The following STXBP5L variants were observed in gnomAD, a reference collection of about 807,000 sequenced individuals.
STXBP5L encodes the protein syntaxin-binding protein 5-like.
STXBP5L carries 65 observed loss-of-function variants against 144.5 expected under a neutral mutation model. The observed-to-expected ratio is 0.45, with a 90% CI of 0.37 to 0.55. The LOEUF is 0.55. STXBP5L is among the 20% of genes least tolerant of loss of function. The pLI is 0.00. For synonymous variants in STXBP5L, 505 were observed against 469.6 expected (o/e 1.08, Z -0.97); for missense variants, 1,298 against 1,405.5 (o/e 0.92, Z 1.22).
intron 5 of STXBP5L, among the ~76,000 whole-genome samples, chr3:121,076,585 G>C (rs546628484): frequency 6.6e-6 from 1 of 151,942 alleles, no homozygotes; most frequent in Non-Finnish European, 1.5e-5. Context: ...ACTGATCCAG[G>C]TGCCCAGGCT....
rs965665610 is a variant in STXBP5L, at chr3:121,078,526, C to T, written c.470+32991C>T. Among the ~76,000 whole-genome samples the T allele has an allele frequency of 5.3e-5, 8 of 152,254 alleles. No homozygotes were observed. The East Asian group carries it at 5.8e-4, about 11-fold the overall frequency. ...AGCTGCCTGCCAGTCCCGTGCCATGCGCCCGCACTCCTCAGCCCTTGGGTG... is the reference window on the plus strand; with the variant it reads ...AGCTGCCTGCCAGTCCCGTGCCATGTGCCCGCACTCCTCAGCCCTTGGGTG... On this transcript the variant is annotated intron_variant, in intron 5 of 26. Transcript: ENST00000471454.
Position 121,214,686 on chromosome 3 carries a change from T to C in STXBP5L, c.957-8317T>C, listed in dbSNP as rs572237318. Among the ~76,000 whole-genome samples, 15 of 152,296 alleles carry C rather than the reference T, an allele frequency of 9.8e-5. 1 individual carries two copies. The South Asian group carries it at 2.9e-3, about 29-fold the overall frequency. On this transcript the variant is annotated intron_variant, in intron 10 of 26. Coordinates refer to ENST00000471454, the MANE Select transcript of STXBP5L (RefSeq NM_001308330.2). ...TGAGAAGAATGTATATTCTGTTGATTTGTGGTGCAGAGTTCTGTAGATGTC... is the reference window on the plus strand; with the variant it reads ...TGAGAAGAATGTATATTCTGTTGATCTGTGGTGCAGAGTTCTGTAGATGTC...
intron 6 of STXBP5L, among the ~76,000 whole-genome samples, chr3:121,116,777 C>G (rs949872169): frequency 6.6e-6 from 1 of 151,832 alleles, no homozygotes; most frequent in Non-Finnish European, 1.5e-5. Context: ...CCCTGTAATC[C>G]TAGTCCTATA....
chr3:120,964,522 G>A (rs894526955), intron 3 of STXBP5L, among the ~76,000 whole-genome samples: 8 of 152,110 alleles, frequency 5.3e-5, no homozygotes, highest in Middle Eastern at 3.4e-3. Context: ...CCTTCATTTC[G>A]TTATTTACCC....
At chr3:121,101,785 G>C (rs1351570616) in intron 5 of STXBP5L, among the ~76,000 whole-genome samples, 2 of 152,012 alleles carry the variant, frequency 1.3e-5, no homozygotes, top group Non-Finnish European at 2.9e-5. Context: ...AAAAGAAGAA[G>C]AAAAACTATG....
chr3:121,407,125 T>C, intron 22 of STXBP5L, 118 bp from the exon 23 acceptor site: 1 of 1,230,738 alleles, frequency 8.1e-7, no homozygotes, highest in Non-Finnish European at 1.1e-6. Context: ...CAAATTCATA[T>C]ACATTAGGGC....
intron 18 of STXBP5L, among the ~76,000 whole-genome samples, chr3:121,265,132 C>T (rs1404689079): frequency 6.6e-6 from 1 of 152,182 alleles, no homozygotes; most frequent in African/African-American, 2.4e-5. Flanking sequence ...ACCTAATAAA[C>T]ATCTACAGAA....
At chr3:121,040,483 G>A (rs907467744) in intron 3 of STXBP5L, among the ~76,000 whole-genome samples, 5 of 152,078 alleles carry the variant, frequency 3.3e-5, no homozygotes, top group Admixed American at 3.3e-4. Context: ...CTTCAAGAAG[G>A]ATGCTTTTTC....
At chr3:120,953,814 T>C (rs1211488805) in intron 2 of STXBP5L, among the ~76,000 whole-genome samples, 2 of 152,202 alleles carry the variant, frequency 1.3e-5, no homozygotes, top group African/African-American at 4.8e-5. Context: ...TCTTGTCTAA[T>C]TGCTCTGGAT....
At chr3:121,023,913 C>T (rs2638583) in intron 3 of STXBP5L, among the ~76,000 whole-genome samples, 1 of 151,908 alleles carries the variant, frequency 6.6e-6, no homozygotes, top group Admixed American at 6.6e-5. Context: ...CCACCACCAC[C>T]CCCAGCTAAT....
intron 2 of STXBP5L, among the ~76,000 whole-genome samples, chr3:120,923,031 AT>A (rs762117029): frequency 2.0e-5 from 3 of 151,750 alleles, no homozygotes; most frequent in Non-Finnish European, 4.4e-5. Flanking sequence ...ATTCCTCATT[AT>A]TGGTTTGTTG....
intron 24 of STXBP5L, among the ~76,000 whole-genome samples, chr3:121,415,641 G>A (rs1264823363): frequency 6.6e-6 from 1 of 152,030 alleles, no homozygotes; most frequent in African/African-American, 2.4e-5. Context: ...AAGAGAAGAG[G>A]ATAAAGGAAA....
At chr3:121,172,087 A>G (rs1213837975) in intron 9 of STXBP5L, among the ~76,000 whole-genome samples, 1 of 152,214 alleles carries the variant, frequency 6.6e-6, no homozygotes, top group South Asian at 2.1e-4. Context: ...ACGTGACAAA[A>G]ACAAGCAATG....
intron 20 of STXBP5L, among the ~76,000 whole-genome samples, chr3:121,360,348 T>C (rs2045674174): frequency 6.6e-6 from 1 of 151,966 alleles, no homozygotes; most frequent in South Asian, 2.1e-4. Context: ...TTTTAATCCA[T>C]TCAGTCATTC....
At chr3:121,042,905 C>T (rs968461563) in intron 4 of STXBP5L, among the ~76,000 whole-genome samples, 3 of 151,482 alleles carry the variant, frequency 2.0e-5, no homozygotes, top group African/African-American at 7.3e-5. Context: ...TCATTATTAT[C>T]TAGAATGTCA....
chr3:121,243,210 A>C (rs1014577778), intron 14 of STXBP5L, among the ~76,000 whole-genome samples: 2 of 152,176 alleles, frequency 1.3e-5, no homozygotes, highest in African/African-American at 4.8e-5. Context: ...CAAACTTTGG[A>C]TTCCTGGGTG....
chr3:120,934,094 T>TC (rs1278907147), intron 2 of STXBP5L, among the ~76,000 whole-genome samples: 1 of 151,364 alleles, frequency 6.6e-6, no homozygotes. Flanking sequence ...TCTTTTTCTT[T>TC]TTTTTTTTTT....
intron 9 of STXBP5L, among the ~76,000 whole-genome samples, chr3:121,162,724 GA>G (rs529036462): frequency 1.3e-5 from 2 of 151,914 alleles, no homozygotes; most frequent in Admixed American, 6.6e-5. Flanking sequence ...ACATTTACAA[GA>G]AAAAAATCAA....
intron 10 of STXBP5L, among the ~76,000 whole-genome samples, chr3:121,218,856 A>G (rs914170441): frequency 2.0e-5 from 3 of 152,294 alleles, no homozygotes; most frequent in Non-Finnish European, 1.5e-5. Context: ...TTCCTTATCA[A>G]CAATACCTGT....
Sources: gnomAD v4.1 joint callset for allele counts (sites outside exome capture counted in the v4.1 genomes callset) on GRCh38, gnomAD v4.1.1 for gene constraint, MANE v1.5 for transcripts, NCBI Gene and HGNC (gene_info 2026-07-23, HGNC 2026-07-21) for gene names.